TMCO4: variants seen among roughly 807,000 people sequenced by gnomAD.
The protein encoded by TMCO4 is transmembrane and coiled-coil domains 4, also known as transmembrane and coiled-coil domain-containing protein 4.
Under a neutral mutation model 64.7 loss-of-function variants are expected in TMCO4, and 58 were observed. That is an observed-to-expected ratio of 0.90 (90% CI 0.73 to 1.12). The LOEUF is 1.12. Among genes scored for constraint, TMCO4 ranks in the 50% most tolerant of loss-of-function variants. TMCO4 has a pLI of 0.00. For missense variants in TMCO4, 780 were observed against 825.9 expected, an observed-to-expected ratio of 0.94 and a Z score of 0.68; for synonymous variants, 325 against 346.1, an observed-to-expected ratio of 0.94 and a Z score of 0.68.
At chr1:19,746,749 C>T in intron 8 of TMCO4, 150 bp from the exon 9 acceptor site, 1 of 1,058,116 alleles carries the variant, frequency 9.5e-7, no homozygotes, top group Non-Finnish European at 1.3e-6. Context: ...ACGGTGAAAC[C>T]TCATCTCTAC....
chr1:19,775,321 C>T lies in TMCO4; in HGVS notation c.180-3839G>A, dbSNP rs113973285. Among the ~76,000 whole-genome samples the T allele has an allele frequency of 5.9e-5, 9 of 152,292 alleles. 1 individual carries two copies. The highest frequency in any genetic ancestry group is 2.2e-4 in the African/African-American group (9 of 41,558). On this transcript the variant is annotated intron_variant, in intron 4 of 15. Transcript: ENST00000294543. ...TGAACTCCTGACCTCAGGTGATCCA[C>T]CCGCCTCGGCCTCCCAAAGTGCTGG...
chr1:19,746,329 G>A (rs2041779169), intron 9 of TMCO4, 127 bp downstream of exon 9: 1 of 1,400,304 alleles, frequency 7.1e-7, no homozygotes, highest in Non-Finnish European at 9.8e-7. Flanking sequence ...GACCCAGAGT[G>A]AGAAAAGCCA....
chr1:19,761,858 C>A (rs184758428), intron 6 of TMCO4, among the ~76,000 whole-genome samples: 18 of 152,332 alleles, frequency 1.2e-4, no homozygotes, highest in Admixed American at 3.9e-4. Flanking sequence ...TGTGCTCATG[C>A]CTGGAGGCAG....
chr1:19,776,157 C>T lies in TMCO4; in HGVS notation c.179+4423G>A, dbSNP rs112901975. On this transcript the variant is annotated intron_variant, in intron 4 of 15. Coordinates refer to ENST00000294543, the MANE Select transcript of TMCO4 (RefSeq NM_181719.7). Reference sequence around the variant, plus strand: ...TCCTAACCTCAAGTGATCTGCCCGCCTCAGCATCCCAGAGTGCTGGGATTA... The same window carrying T: ...TCCTAACCTCAAGTGATCTGCCCGCTTCAGCATCCCAGAGTGCTGGGATTA... Among the ~76,000 whole-genome samples, 1,364 of 152,330 alleles carry T rather than the reference C, an allele frequency of 9.0e-3. 20 individuals are homozygous for T. The highest frequency in any genetic ancestry group is 0.045 in the South Asian group (215 of 4,820).
intron 3 of TMCO4, among the ~76,000 whole-genome samples, chr1:19,782,373 G>C (rs938608917): frequency 2.6e-5 from 4 of 152,172 alleles, no homozygotes; most frequent in Admixed American, 2.6e-4. Flanking sequence ...TCAGATGAGG[G>C]GTTACATGTG....
chr1:19,745,720 T>C, intron 9 of TMCO4, 69 bp from the exon 10 acceptor site: 1 of 1,542,772 alleles, frequency 6.5e-7, no homozygotes, highest in Non-Finnish European at 8.7e-7. Context: ...GGTGGCTGTA[T>C]GTTCTCACAC....
At chr1:19,683,556 C>T (rs965065517) in intron 15 of TMCO4, 112 bp from the exon 16 acceptor site, 47 of 1,231,590 alleles carry the variant, frequency 3.8e-5, no homozygotes, top group Admixed American at 3.2e-4. Flanking sequence ...CCACAGCCAA[C>T]GAATCACCAA....
intron 15 of TMCO4, among the ~76,000 whole-genome samples, chr1:19,691,577 G>A (rs539397123): frequency 6.6e-6 from 1 of 152,196 alleles, no homozygotes. Flanking sequence ...CTGAGGCCTA[G>A]CTTCATTGGC....
rs199897985 is a variant in TMCO4, at chr1:19,784,632, G to A, written c.-9+2394C>T. ...CCCTACAATGCATTCTCTACATAGT[G>A]GCCTCAGTGACCTTTTTGTCACATA... On this transcript the variant is annotated intron_variant, in intron 3 of 15. Coordinates refer to ENST00000294543, the MANE Select transcript of TMCO4 (RefSeq NM_181719.7). 1.2e-4 allele frequency among the ~76,000 whole-genome samples: 19 copies of A among 152,102 alleles called. 1 individual carries two copies. In the East Asian group the frequency reaches 3.7e-3, roughly 29 times the overall value.
At chr1:19,729,440 G>T (rs182695154) in intron 13 of TMCO4, among the ~76,000 whole-genome samples, 11 of 151,322 alleles carry the variant, frequency 7.3e-5, no homozygotes, top group African/African-American at 2.2e-4. Flanking sequence ...GAGCCACAGT[G>T]CCCAGCCAAT....
At chr1:19,747,311 G>T in intron 7 of TMCO4, 51 bp from the exon 8 acceptor site, 1 of 1,513,608 alleles carries the variant, frequency 6.6e-7, no homozygotes, top group Non-Finnish European at 9.1e-7. Flanking sequence ...AGGATCCCTT[G>T]AGACATCCCC....
intron 1 of TMCO4, among the ~76,000 whole-genome samples, chr1:19,798,547 T>C (rs2044445279): frequency 6.6e-6 from 1 of 152,232 alleles, no homozygotes. Context: ...CACAACAACC[T>C]TGGAGACAGG....
At chr1:19,798,014 A>G (rs1025244728) in intron 2 of TMCO4, 123 bp downstream of exon 2, 1 of 170,828 alleles carries the variant, frequency 5.9e-6, no homozygotes, top group Non-Finnish European at 1.2e-5. Flanking sequence ...AAAAGAAAAG[A>G]AAAGGAGAAA....
chr1:19,747,401 C>T, intron 7 of TMCO4, 141 bp from the exon 8 acceptor site: 2 of 736,522 alleles, frequency 2.7e-6, no homozygotes, highest in Non-Finnish European at 4.7e-6. Flanking sequence ...TCACCTTGAG[C>T]CCACTGATGG....
At chr1:19,730,170 A>G (rs984111130) in intron 13 of TMCO4, among the ~76,000 whole-genome samples, 1 of 152,212 alleles carries the variant, frequency 6.6e-6, no homozygotes, top group Admixed American at 6.5e-5. Context: ...TGCTTTGGCC[A>G]ATGAAATGTT....
At chr1:19,771,184 A>T in intron 5 of TMCO4, 124 bp downstream of exon 5, 1 of 1,011,542 alleles carries the variant, frequency 9.9e-7, no homozygotes, top group East Asian at 2.4e-5. Flanking sequence ...ATGATATGAT[A>T]TTATGATGAC....
chr1:19,744,899 C>T (rs2041695809), intron 10 of TMCO4, among the ~76,000 whole-genome samples: 1 of 152,182 alleles, frequency 6.6e-6, no homozygotes, highest in South Asian at 2.1e-4. Context: ...CATGGCTGTG[C>T]TGCTCACCAC....
intron 7 of TMCO4, among the ~76,000 whole-genome samples, chr1:19,750,637 T>TA (rs2041987091): frequency 6.6e-6 from 1 of 152,162 alleles, no homozygotes; most frequent in South Asian, 2.1e-4. Context: ...ATGTGACACT[T>TA]ACGCCCTCTG....
At chr1:19,721,851 C>A (rs1292036770) in intron 13 of TMCO4, among the ~76,000 whole-genome samples, 2 of 152,182 alleles carry the variant, frequency 1.3e-5, no homozygotes, top group East Asian at 1.9e-4. Flanking sequence ...TGGAAAAGTC[C>A]AGGGCCAAAC....
Sources: gnomAD v4.1 joint callset for allele counts (sites outside exome capture counted in the v4.1 genomes callset) on GRCh38, gnomAD v4.1.1 for gene constraint, MANE v1.5 for transcripts, NCBI Gene and HGNC (gene_info 2026-07-23, HGNC 2026-07-21) for gene names.